Variants in ANXA3 observed in about 807,000 individuals in gnomAD.
ANXA3 encodes 35-alpha calcimedin.
In ANXA3, 46 loss-of-function variants were observed where a neutral mutation model predicts 48.8. The observed-to-expected ratio is 0.94, with a 90% CI of 0.74 to 1.21. ANXA3 has a LOEUF of 1.21. Ranked by LOEUF, ANXA3 falls within the 50% of genes most tolerant of loss-of-function variation. The pLI is 0.00. For missense variants in ANXA3, 383 were observed against 378.6 expected (o/e 1.01, Z -0.10); for synonymous variants, 128 against 134.7 (o/e 0.95, Z 0.35).
At chr4:78,588,266 G>C (rs1270474752) in intron 6 of ANXA3, among the ~76,000 whole-genome samples, 8 of 151,474 alleles carry the variant, frequency 5.3e-5, no homozygotes, top group Admixed American at 1.3e-4. Flanking sequence ...GGTGGTGCAC[G>C]CCTACAGTCC....
At chr4:78,607,639 C>T (rs1723678692) in intron 12 of ANXA3, among the ~76,000 whole-genome samples, 2 of 152,138 alleles carry the variant, frequency 1.3e-5, no homozygotes, top group Middle Eastern at 3.4e-3. Context: ...CACTCACAAT[C>T]AACTCATAAT....
intron 2 of ANXA3, among the ~76,000 whole-genome samples, chr4:78,563,267 G>A (rs1054623319): frequency 1.3e-5 from 2 of 152,156 alleles, no homozygotes; most frequent in African/African-American, 2.4e-5. Flanking sequence ...ATTACAAACA[G>A]GAGACATCCC....
chr4:78,557,315 C>T (rs558767728), intron 2 of ANXA3, among the ~76,000 whole-genome samples: 2 of 152,258 alleles, frequency 1.3e-5, no homozygotes, highest in African/African-American at 4.8e-5. Context: ...TTCTCTTCTC[C>T]CTCCAGCTGA....
intron 2 of ANXA3, among the ~76,000 whole-genome samples, chr4:78,572,151 C>T (rs1238031128): frequency 6.6e-6 from 1 of 152,202 alleles, no homozygotes; most frequent in East Asian, 1.9e-4. Flanking sequence ...TGCTCTCCTG[C>T]AAATGCTACT....
chr4:78,563,816 A>C (rs1722674190), intron 2 of ANXA3, among the ~76,000 whole-genome samples: 1 of 152,170 alleles, frequency 6.6e-6, no homozygotes, highest in African/African-American at 2.4e-5. Flanking sequence ...ATATCCAGGA[A>C]GATATAAATT....
chr4:78,595,986 C>A (rs535400321), intron 9 of ANXA3, 99 bp downstream of exon 9: 1 of 764,262 alleles, frequency 1.3e-6, no homozygotes, highest in Non-Finnish European at 2.2e-6. Context: ...TTTAAAATTG[C>A]GAAGTCTGTT....
intron 2 of ANXA3, among the ~76,000 whole-genome samples, chr4:78,565,963 A>G (rs1319507935): frequency 2.6e-5 from 4 of 152,216 alleles, no homozygotes; most frequent in Non-Finnish European, 5.9e-5. Flanking sequence ...ATTTTTCTGT[A>G]TACAGAAGAG....
At chr4:78,581,617 T>G (rs1723071935) in intron 4 of ANXA3, among the ~76,000 whole-genome samples, 1 of 152,242 alleles carries the variant, frequency 6.6e-6, no homozygotes, top group Non-Finnish European at 1.5e-5. Context: ...GTACAATTAT[T>G]ATTTGTCAGA....
intron 5 of ANXA3, among the ~76,000 whole-genome samples, chr4:78,583,448 C>T (rs781284975): frequency 6.6e-6 from 1 of 151,706 alleles, no homozygotes; most frequent in Non-Finnish European, 1.5e-5. Flanking sequence ...ATAGTGAGAA[C>T]TTGTCTCTAC....
chr4:78,578,834 T>C (rs3805175), intron 3 of ANXA3, among the ~76,000 whole-genome samples, 193 bp from the exon 4 acceptor site: 88,932 of 149,754 alleles, frequency 0.59, 28,101 homozygotes, highest in East Asian at 0.87. Flanking sequence ...ACTTTTTTTT[T>C]CCAAAACTCA....
intron 1 of ANXA3, 176 bp downstream of exon 1, chr4:78,552,035 C>G (rs28541479): frequency 0.87 from 132,974 of 152,340 alleles, 59,565 homozygotes; most frequent in East Asian, 0.97. Flanking sequence ...GGGTGGGGAG[C>G]TGGAGGGACC....
At chr4:78,598,867 G>C (rs1322009525) in intron 10 of ANXA3, among the ~76,000 whole-genome samples, 1 of 151,856 alleles carries the variant, frequency 6.6e-6, no homozygotes, top group Non-Finnish European at 1.5e-5. Flanking sequence ...TATTAATTCT[G>C]CTTGCTGTTT....
intron 2 of ANXA3, among the ~76,000 whole-genome samples, chr4:78,556,494 T>C (rs1417131900): frequency 1.3e-5 from 2 of 152,142 alleles, no homozygotes; most frequent in African/African-American, 4.8e-5. Context: ...CCTTCTGTAC[T>C]GTTTGATTTT....
intron 12 of ANXA3, among the ~76,000 whole-genome samples, chr4:78,607,469 G>C (rs572277257): frequency 6.6e-5 from 10 of 152,308 alleles, no homozygotes; most frequent in Non-Finnish European, 1.3e-4. Flanking sequence ...AGGAAGAACA[G>C]AGGTGAAAAA....
At chr4:78,601,388 T>G in intron 10 of ANXA3, 122 bp from the exon 11 acceptor site, 2 of 793,408 alleles carry the variant, frequency 2.5e-6, no homozygotes, top group Non-Finnish European at 2.0e-6. Context: ...TAAAAGCCAG[T>G]TGTGGGGAGG....
chr4:78,581,679 T>C (rs569960316), intron 4 of ANXA3, among the ~76,000 whole-genome samples: 1 of 152,350 alleles, frequency 6.6e-6, no homozygotes, highest in African/African-American at 2.4e-5. Flanking sequence ...TCTTTACTTG[T>C]TGCCAGAAAA....
intron 3 of ANXA3, 152 bp downstream of exon 3, chr4:78,573,419 A>T (rs774556397): frequency 4.9e-6 from 3 of 610,988 alleles, no homozygotes; most frequent in Non-Finnish European, 8.6e-6. Flanking sequence ...TATATAGAGA[A>T]CCCAGTTTTA....
chr4:78,567,333 T>C (rs1226858173), intron 2 of ANXA3, among the ~76,000 whole-genome samples: 1 of 152,226 alleles, frequency 6.6e-6, no homozygotes, highest in East Asian at 1.9e-4. Context: ...GTCCTCCCTC[T>C]GAAAGCTGTA....
At chr4:78,565,138 C>A (rs1722705381) in intron 2 of ANXA3, among the ~76,000 whole-genome samples, 1 of 152,106 alleles carries the variant, frequency 6.6e-6, no homozygotes, top group African/African-American at 2.4e-5. Flanking sequence ...GGATTACAGG[C>A]ACCTGCCACC....
Sources: allele counts gnomAD v4.1 joint callset (sites outside exome capture counted in the v4.1 genomes callset), GRCh38; gene constraint gnomAD v4.1.1; transcripts MANE v1.5; gene names NCBI Gene and HGNC (gene_info 2026-07-23, HGNC 2026-07-21).